ZNF521: variants seen among roughly 807,000 people sequenced by gnomAD.
The protein encoded by ZNF521 is zinc finger protein 521.
A neutral mutation model predicts 105.5 loss-of-function variants in ZNF521; 14 were observed. The observed-to-expected ratio is 0.13, with a 90% CI of 0.09 to 0.21. The LOEUF is 0.21. Among genes scored for constraint, ZNF521 ranks in the 10% least tolerant of loss-of-function variants. The probability of loss-of-function intolerance (pLI) is 1.00; values close to 1 mark genes in which losing one functional copy is unlikely to be tolerated. For synonymous variants in ZNF521, 635 were observed against 606.0 expected (o/e 1.05, Z -0.70); for missense variants, 1,233 against 1,629.7 (o/e 0.76, Z 4.19).
intron 5 of ZNF521, among the ~76,000 whole-genome samples, chr18:25,178,177 A>T (rs558082341): frequency 6.6e-6 from 1 of 152,258 alleles, no homozygotes; most frequent in African/African-American, 2.4e-5. Context: ...TAACTGCGTT[A>T]CTCCCTTTCC....
Position 25,138,689 on chromosome 18 carries a change from T to G in ZNF521, c.3659-46608A>C, listed in dbSNP as rs148852679. ...ATCTTTCATACTTTTCAAATTATAA[T>G]AATTTTGTCCTGGAAGAGCCTTAAA... is the stretch of plus-strand genomic sequence containing the variant. On this transcript the variant is annotated intron_variant, in intron 5 of 7. Transcript: ENST00000361524. 7.2e-5 allele frequency among the ~76,000 whole-genome samples: 11 copies of G among 152,286 alleles called. No individual in the cohort carries two copies. In the East Asian group the frequency reaches 2.1e-3, roughly 29 times the overall value.
chr18:25,227,182 G>C lies in ZNF521; in HGVS notation c.736C>G (p.Gln246Glu). Residue 246 changes from glutamine to glutamate, a missense_variant, in exon 4 of 8, where the codon CAG (glutamine) becomes GAG (glutamate). Gln to Glu is a conservative substitution (Grantham distance 29). Around this residue, in one of 6 missense-constraint regions of ZNF521, gnomAD observed 380 missense variants for 478.0 expected, o/e 0.80. Transcript: ENST00000361524. This position sits in a 1 kb window ranked among gnomAD's most constrained non-coding sequence, Gnocchi z 5.7. ...CCTTCCTCACACTGACTGCACTTCTGAGTGTCCTTCATCTTCCAGTCCTCC... is the reference window on the plus strand; with the variant it reads ...CCTTCCTCACACTGACTGCACTTCTCAGTGTCCTTCATCTTCCAGTCCTCC... ...RMEDWKMKDT[Q>E]KCSQCEEGFD... 2 of 1,614,152 alleles carry C rather than the reference G, an allele frequency of 1.2e-6. No individual in the cohort carries two copies. Among genetic ancestry groups the C allele is most frequent in the Non-Finnish European group, 1.7e-6 (2 of 1,180,004 alleles).
At chr18:25,068,548 T>A (rs1181457039) in intron 7 of ZNF521, among the ~76,000 whole-genome samples, 1 of 152,186 alleles carries the variant, frequency 6.6e-6, no homozygotes, top group Non-Finnish European at 1.5e-5. Flanking sequence ...TCCCACAGGC[T>A]GGATAATAAG....
chr18:25,142,391 A>C (rs2034866052), intron 5 of ZNF521, among the ~76,000 whole-genome samples: 3 of 152,196 alleles, frequency 2.0e-5, no homozygotes. Flanking sequence ...GTCTAGATTC[A>C]AAAATGGCTT....
chr18:25,254,261 T>C (rs1310446272), intron 3 of ZNF521, among the ~76,000 whole-genome samples: 3 of 152,224 alleles, frequency 2.0e-5, no homozygotes, highest in East Asian at 3.9e-4. Flanking sequence ...ACAAAAGATG[T>C]ATTCACTGGT....
intron 3 of ZNF521, among the ~76,000 whole-genome samples, chr18:25,296,038 C>T (rs937281088): frequency 2.0e-5 from 3 of 152,190 alleles, no homozygotes; most frequent in African/African-American, 2.4e-5. Flanking sequence ...TGGTTAAAAG[C>T]ACTGCACAAT....
chr18:25,172,585 T>G (rs45627333), intron 5 of ZNF521, among the ~76,000 whole-genome samples: 6,132 of 152,282 alleles, frequency 0.04, 264 homozygotes, highest in African/African-American at 0.1. Flanking sequence ...TCAAATTGCA[T>G]TCTTAAAGCA....
intron 4 of ZNF521, among the ~76,000 whole-genome samples, chr18:25,223,576 A>ATCC (rs1905879337): frequency 6.6e-6 from 1 of 152,136 alleles, no homozygotes; most frequent in African/African-American, 2.4e-5. Context: ...AAAATGAGCC[A>ATCC]TCCTCTGCTC....
chr18:25,321,356 T>C (rs1258017921), intron 3 of ZNF521, among the ~76,000 whole-genome samples: 1 of 152,232 alleles, frequency 6.6e-6, no homozygotes, highest in Non-Finnish European at 1.5e-5. Flanking sequence ...TGCAACATGT[T>C]ACTTTAAATC....
At chr18:25,249,434 GGCTTGA>G (rs1322255588) in intron 3 of ZNF521, among the ~76,000 whole-genome samples, 1 of 150,834 alleles carries the variant, frequency 6.6e-6, no homozygotes, top group East Asian at 1.9e-4. Context: ...TGGGATTACA[GGCTTGA>G]GCCACCACGC....
chr18:25,196,939 A>G (rs1398696850), intron 4 of ZNF521, among the ~76,000 whole-genome samples: 3 of 151,836 alleles, frequency 2.0e-5, no homozygotes, highest in African/African-American at 7.2e-5. Flanking sequence ...TCTTGTTAGC[A>G]CAGTAAAACA....
rs1300481695 is a variant in ZNF521, at chr18:25,233,535, CAGTT to C, written c.221-5842_221-5839del. 4.6e-5 allele frequency among the ~76,000 whole-genome samples: 7 copies of C among 152,150 alleles called. No individual in the cohort carries two copies. In the South Asian group the frequency reaches 1.0e-3, roughly 23 times the overall value. ...TAGAAGGACCAATTAAATGAATTAA[CAGTT>C]AGGTTATGAGGAAGAAGGGTGGTCA... On this transcript the variant is annotated intron_variant, in intron 3 of 7. Transcript: ENST00000361524.
At chr18:25,068,257 G>A (rs909352332) in intron 7 of ZNF521, among the ~76,000 whole-genome samples, 1 of 152,158 alleles carries the variant, frequency 6.6e-6, no homozygotes, top group African/African-American at 2.4e-5. Context: ...CAGCACCATG[G>A]CAGCATGTTG....
At chr18:25,186,904 TA>T (rs113619835) in intron 5 of ZNF521, among the ~76,000 whole-genome samples, 3,176 of 74,292 alleles carry the variant, frequency 0.043, 44 homozygotes, top group African/African-American at 0.049. Flanking sequence ...AAAGTAATGC[TA>T]AAAAAAAAAA....
intron 7 of ZNF521, among the ~76,000 whole-genome samples, chr18:25,069,039 C>T (rs565647361): frequency 6.6e-6 from 1 of 152,324 alleles, no homozygotes; most frequent in South Asian, 2.1e-4. Flanking sequence ...ATTAAACTGA[C>T]TTTTGTAGCA....
intron 3 of ZNF521, among the ~76,000 whole-genome samples, chr18:25,251,715 C>T (rs1423746314): frequency 1.3e-5 from 2 of 152,200 alleles, no homozygotes; most frequent in Non-Finnish European, 2.9e-5. Context: ...TACAGGCCAA[C>T]GTGGCAGCCG....
chr18:25,342,514 C>T (rs1267726378), intron 2 of ZNF521, among the ~76,000 whole-genome samples: 2 of 145,296 alleles, frequency 1.4e-5, no homozygotes, highest in Non-Finnish European at 3.0e-5. Flanking sequence ...CTGAAAGCTC[C>T]GCCTCCCAGG....
At chr18:25,302,520 T>A (rs1381241182) in intron 3 of ZNF521, 2 of 152,202 alleles carry the variant, frequency 1.3e-5, no homozygotes, top group African/African-American at 4.8e-5. Flanking sequence ...AATAAGACAG[T>A]GTTGAGGTCA....
At chr18:25,206,541 AC>A (rs1431016435) in intron 4 of ZNF521, among the ~76,000 whole-genome samples, 14 of 152,062 alleles carry the variant, frequency 9.2e-5, no homozygotes, top group African/African-American at 2.7e-4. Flanking sequence ...TTTGTGTCTT[AC>A]CTACAAAATG....
Sources: gnomAD v4.1 joint callset for allele counts (sites outside exome capture counted in the v4.1 genomes callset) on GRCh38, gnomAD v4.1.1 for gene constraint, gnomAD v4.1.1 regional missense constraint, Gnocchi (gnomAD v3.1) non-coding constraint, MANE v1.5 for transcripts, NCBI Gene and HGNC (gene_info 2026-07-23, HGNC 2026-07-21) for gene names.